The following GPR137B variants were observed in gnomAD, a reference collection of about 807,000 sequenced individuals.
GPR137B encodes the protein integral membrane protein GPR137B.
In GPR137B, 42 loss-of-function variants were observed where a neutral mutation model predicts 42.5. The observed-to-expected ratio is 0.99, with a 90% CI of 0.77 to 1.28. GPR137B has a LOEUF of 1.28. Ranked by LOEUF, GPR137B falls within the 50% of genes most tolerant of loss-of-function variation. The pLI, the probability that GPR137B is intolerant of heterozygous loss-of-function variation, is 0.00. For missense variants in GPR137B, 487 were observed against 493.9 expected, an observed-to-expected ratio of 0.99 and a Z score of 0.13; for synonymous variants, 218 against 209.7, an observed-to-expected ratio of 1.04 and a Z score of -0.34.
At chr1:236,145,103 G>C (rs903419923) in intron 1 of GPR137B, among the ~76,000 whole-genome samples, 1 of 152,228 alleles carries the variant, frequency 6.6e-6, no homozygotes, top group African/African-American at 2.4e-5. Context: ...GTGGCTGGCT[G>C]GAGAAGGTGG....
At chr1:236,144,595 G>C (rs1019417269) in intron 1 of GPR137B, among the ~76,000 whole-genome samples, 1 of 152,224 alleles carries the variant, frequency 6.6e-6, no homozygotes, top group Non-Finnish European at 1.5e-5. Flanking sequence ...TAAGTCCAGC[G>C]CATCAGCATA....
intron 1 of GPR137B, among the ~76,000 whole-genome samples, chr1:236,161,386 T>G (rs1662190335): frequency 6.6e-6 from 1 of 151,904 alleles, no homozygotes; most frequent in Non-Finnish European, 1.5e-5. Flanking sequence ...TCACTGCTCC[T>G]AAGTCCACAT....
chr1:236,185,189 A>G (rs1470636751), intron 5 of GPR137B, among the ~76,000 whole-genome samples: 2 of 152,224 alleles, frequency 1.3e-5, no homozygotes, highest in Non-Finnish European at 2.9e-5. Flanking sequence ...CTGTAATTAC[A>G]TGGGAAAAAA....
chr1:236,188,842 G>A (rs1392168070), intron 5 of GPR137B, among the ~76,000 whole-genome samples: 2 of 152,182 alleles, frequency 1.3e-5, no homozygotes, highest in African/African-American at 2.4e-5. Context: ...CATAAAATGA[G>A]TCAGGGAGGA....
At chr1:236,143,123 G>GGGC in intron 1 of GPR137B, 87 bp downstream of exon 1, 1 of 1,185,142 alleles carries the variant, frequency 8.4e-7, no homozygotes, top group Non-Finnish European at 1.2e-6. Context: ...GCAGCCGCGG[G>GGGC]GGCGGGTCCG....
intron 1 of GPR137B, among the ~76,000 whole-genome samples, chr1:236,166,641 C>T (rs375565084): frequency 1.3e-5 from 2 of 151,614 alleles, no homozygotes; most frequent in Non-Finnish European, 2.9e-5. Context: ...GGAAGCCTCA[C>T]CTATGAAGCT....
At chr1:236,205,841 G>GA (rs1376067133) in intron 6 of GPR137B, among the ~76,000 whole-genome samples, 18 of 151,900 alleles carry the variant, frequency 1.2e-4, no homozygotes, top group South Asian at 2.1e-4. Context: ...CACCCGGCCA[G>GA]AAAAAAAACT....
rs567087164 is a variant in GPR137B, at chr1:236,165,497, G to A, written c.415-3209G>A. On this transcript the variant is annotated intron_variant, in intron 1 of 6. Transcript: ENST00000366592. ...GAACTCCAGGGCCCTCTTGTACTCAGTGCATTGCTTGATCTGTGTTCATGT... is the reference window on the plus strand; with the variant it reads ...GAACTCCAGGGCCCTCTTGTACTCAATGCATTGCTTGATCTGTGTTCATGT... 1.6e-4 allele frequency among the ~76,000 whole-genome samples: 24 copies of A among 152,314 alleles called. No individual in the cohort carries two copies. In the South Asian group the frequency reaches 4.4e-3, roughly 28 times the overall value.
chr1:236,200,123 G>A (rs944857649), intron 5 of GPR137B, among the ~76,000 whole-genome samples: 4 of 151,856 alleles, frequency 2.6e-5, no homozygotes, highest in Non-Finnish European at 4.4e-5. Flanking sequence ...AGATCATTCA[G>A]GAGCACATTA....
At chr1:236,177,018 C>A (rs756347181) in intron 2 of GPR137B, among the ~76,000 whole-genome samples, 1 of 152,002 alleles carries the variant, frequency 6.6e-6, no homozygotes, top group East Asian at 1.9e-4. Flanking sequence ...CAGGGAGGGT[C>A]AGGGGTGTGT....
chr1:236,152,909 A>G (rs2102892615), intron 1 of GPR137B, among the ~76,000 whole-genome samples: 1 of 151,902 alleles, frequency 6.6e-6, no homozygotes, highest in Non-Finnish European at 1.5e-5. Context: ...TACAAAAATT[A>G]GCTGGGTGCA....
chr1:236,154,074 G>T (rs371432642), intron 1 of GPR137B, among the ~76,000 whole-genome samples: 1 of 152,126 alleles, frequency 6.6e-6, no homozygotes, highest in East Asian at 1.9e-4. Flanking sequence ...GGTTTAGGTT[G>T]ACATAGCAGG....
At chr1:236,184,704 C>T (rs900509835) in intron 5 of GPR137B, among the ~76,000 whole-genome samples, 6 of 152,054 alleles carry the variant, frequency 3.9e-5, no homozygotes, top group East Asian at 3.8e-4. Flanking sequence ...TGGAAGCCGC[C>T]AGGCTTCAAA....
intron 5 of GPR137B, among the ~76,000 whole-genome samples, chr1:236,198,091 G>A (rs1022354365): frequency 6.6e-6 from 1 of 152,112 alleles, no homozygotes. Context: ...GTTGGAAGCT[G>A]GGTAATGTGA....
At chr1:236,173,740 T>C (rs1044384668) in intron 2 of GPR137B, among the ~76,000 whole-genome samples, 6 of 147,082 alleles carry the variant, frequency 4.1e-5, no homozygotes, top group Non-Finnish European at 7.4e-5. Context: ...GGCAGTAGTA[T>C]TGGGGGCAGT....
At position 236,143,109 on chromosome 1, in the gene GPR137B, G is replaced by T. The variant is rs564384373; in HGVS notation, c.414+73G>T. The T allele has an allele frequency of 1.8e-5, 24 of 1,341,016 alleles. No individual in the cohort carries two copies. The South Asian group carries it at 3.0e-4, about 17-fold the overall frequency. The allele number at this position is 1,341,016 out of a possible 1,614,324, so 83.1% of individuals were successfully genotyped here. A position where few individuals can be genotyped will look rare whatever the true frequency, so the allele number is the denominator to read the frequency against. ...CCCGCGGGGCGCCCGAGGCAGGGGC[G>T]ATGGCAGCCGCGGGGGCGGGTCCGG... On this transcript the variant is annotated intron_variant, in intron 1 of 6. Coordinates refer to ENST00000366592, the MANE Select transcript of GPR137B (RefSeq NM_003272.4).
chr1:236,153,623 C>A (rs969453380), intron 1 of GPR137B, among the ~76,000 whole-genome samples: 2 of 152,214 alleles, frequency 1.3e-5, no homozygotes, highest in Admixed American at 6.5e-5. Flanking sequence ...ATTCTCGCTG[C>A]GTGGAACTTA....
intron 5 of GPR137B, among the ~76,000 whole-genome samples, chr1:236,199,071 C>G (rs1173823864): frequency 1.3e-5 from 2 of 152,042 alleles, no homozygotes; most frequent in East Asian, 3.9e-4. Flanking sequence ...ATGTATGTCC[C>G]TTCTATGCCA....
At chr1:236,153,536 T>C (rs1026147291) in intron 1 of GPR137B, among the ~76,000 whole-genome samples, 7 of 152,206 alleles carry the variant, frequency 4.6e-5, no homozygotes, top group Non-Finnish European at 8.8e-5. Flanking sequence ...TGATGGACAT[T>C]TAGGTTGTTT....
Sources: allele counts gnomAD v4.1 joint callset (sites outside exome capture counted in the v4.1 genomes callset), GRCh38; gene constraint gnomAD v4.1.1; transcripts MANE v1.5; gene names NCBI Gene and HGNC (gene_info 2026-07-23, HGNC 2026-07-21).